The following KIRREL3 variants were observed in gnomAD, a reference collection of about 807,000 sequenced individuals.
KIRREL3 encodes kin of IRRE-like protein 3.
Under a neutral mutation model 89.7 loss-of-function variants are expected in KIRREL3, and 36 were observed. That is an observed-to-expected ratio of 0.40 (90% CI 0.31 to 0.53). The LOEUF is 0.53. KIRREL3 is among the 20% of genes least tolerant of loss of function. KIRREL3 has a pLI of 0.49. For synonymous variants in KIRREL3, 445 were observed against 441.4 expected (o/e 1.01, Z -0.10); for missense variants, 864 against 1,056.6 (o/e 0.82, Z 2.53).
At position 126,978,199 on chromosome 11, in the gene KIRREL3, A is replaced by G. The variant is rs1356316367; in HGVS notation, c.55+22256T>C. Reference sequence around the variant, plus strand: ...AGGTAATCAATTATGCGATTCTTTCAGGGTTGCTTCTGCCCTTCCTCTTCT... The same window carrying G: ...AGGTAATCAATTATGCGATTCTTTCGGGGTTGCTTCTGCCCTTCCTCTTCT... On this transcript the variant is annotated intron_variant, in intron 1 of 16. Coordinates refer to ENST00000525144, the MANE Select transcript of KIRREL3 (RefSeq NM_032531.4). This position sits in a 1 kb window ranked among gnomAD's most constrained non-coding sequence, Gnocchi z 4.2. 6.6e-6 allele frequency among the ~76,000 whole-genome samples: 1 copy of G among 152,192 alleles called. No homozygotes were observed. Among genetic ancestry groups the G allele is most frequent in the African/African-American group, 2.4e-5 (1 of 41,452 alleles).
chr11:126,740,284 G>A lies in KIRREL3; in HGVS notation c.56-177372C>T, dbSNP rs1411301419. 1.3e-5 allele frequency among the ~76,000 whole-genome samples: 2 copies of A among 152,170 alleles called. No individual in the cohort carries two copies. Among genetic ancestry groups the A allele is most frequent in the African/African-American group, 4.8e-5 (2 of 41,420 alleles). ...ATTAATGGAAGAAAATGCAGATGGG[G>A]CTGAATTGAAGCAACAGCATAGAAT... On this transcript the variant is annotated intron_variant, in intron 1 of 16. Transcript: ENST00000525144. This position sits in a 1 kb window ranked among gnomAD's most constrained non-coding sequence, Gnocchi z 6.0.
intron 1 of KIRREL3, among the ~76,000 whole-genome samples, chr11:126,699,394 A>C (rs1376663486): frequency 1.3e-5 from 2 of 152,262 alleles, no homozygotes; most frequent in Non-Finnish European, 2.9e-5. Context: ...GGCTGAATAC[A>C]ACACGTTTCC....
chr11:126,703,555 G>T lies in KIRREL3; in HGVS notation c.56-140643C>A, dbSNP rs1238938890. On this transcript the variant is annotated intron_variant, in intron 1 of 16. Coordinates refer to ENST00000525144, the MANE Select transcript of KIRREL3 (RefSeq NM_032531.4). This position sits in a 1 kb window ranked among gnomAD's most constrained non-coding sequence, Gnocchi z 4.6. Reference sequence around the variant, plus strand: ...CTGAGGCCAAAGGAATTAAGTGATCGGTCAGAGGTCAGTCAGATCGGGAGT... The same window carrying T: ...CTGAGGCCAAAGGAATTAAGTGATCTGTCAGAGGTCAGTCAGATCGGGAGT... 6.6e-6 allele frequency among the ~76,000 whole-genome samples: 1 copy of T among 152,210 alleles called. No homozygotes were observed. The highest frequency in any genetic ancestry group is 1.5e-5 in the Non-Finnish European group (1 of 68,036).
At chr11:126,855,097 T>A (rs1426956430) in intron 1 of KIRREL3, among the ~76,000 whole-genome samples, 1 of 152,184 alleles carries the variant, frequency 6.6e-6, no homozygotes, top group Non-Finnish European at 1.5e-5. Context: ...TTCATCATCA[T>A]CACGGTGTTA....
At chr11:126,758,717 T>C (rs968798390) in intron 1 of KIRREL3, among the ~76,000 whole-genome samples, 2 of 152,232 alleles carry the variant, frequency 1.3e-5, no homozygotes, top group African/African-American at 4.8e-5. Flanking sequence ...AAGGAAACAG[T>C]GTCAGTGCAT....
Position 126,904,937 on chromosome 11 carries a change from GGATGAT to G in KIRREL3, c.55+95512_55+95517del, listed in dbSNP as rs138130651. Among the ~76,000 whole-genome samples, 3 of 151,146 alleles carry G rather than the reference GGATGAT, an allele frequency of 2.0e-5. No homozygotes were observed. Among genetic ancestry groups the G allele is most frequent in the Admixed American group, 6.6e-5 (1 of 15,158 alleles). ...ATAAATAACTGACTATCCATGATGG[GGATGAT>G]GATGATGATGATGATGATGATACAG... is the stretch of plus-strand genomic sequence containing the variant. On this transcript the variant is annotated intron_variant, in intron 1 of 16. Coordinates refer to ENST00000525144, the MANE Select transcript of KIRREL3 (RefSeq NM_032531.4). The surrounding 1 kb of genome is among the most constrained non-coding windows in gnomAD (Gnocchi z 4.4).
At chr11:126,937,203 A>G (rs1948225451) in intron 1 of KIRREL3, 3 of 152,204 alleles carry the variant, frequency 2.0e-5, no homozygotes, top group Admixed American at 2.0e-4. Context: ...AGAGGATATG[A>G]CCCGTCAACT....
At chr11:126,963,657 C>A (rs1327420087) in intron 1 of KIRREL3, among the ~76,000 whole-genome samples, 1 of 152,150 alleles carries the variant, frequency 6.6e-6, no homozygotes, top group Non-Finnish European at 1.5e-5. Flanking sequence ...CACAACTGCC[C>A]TTCTTCCTTT....
In KIRREL3 at chr11:126,676,932, G is replaced by A. The variant is rs1946218978; in HGVS notation, c.56-114020C>T. Among the ~76,000 whole-genome samples, 1 of 151,912 alleles carries A rather than the reference G, an allele frequency of 6.6e-6. No individual in the cohort carries two copies. The highest frequency in any genetic ancestry group is 2.1e-4 in the South Asian group (1 of 4,796). The stretch of plus-strand genomic sequence containing the variant: ...CCCGAGTAGCTGGGACTACAGGCAT[G>A]CACCACCACACCACGCTAATTTTTA... On this transcript the variant is annotated intron_variant, in intron 1 of 16. Coordinates refer to ENST00000525144, the MANE Select transcript of KIRREL3 (RefSeq NM_032531.4). The surrounding 1 kb of genome is among the most constrained non-coding windows in gnomAD (Gnocchi z 4.5).
intron 1 of KIRREL3, among the ~76,000 whole-genome samples, chr11:126,648,971 T>C (rs2134963599): frequency 6.6e-6 from 1 of 152,300 alleles, no homozygotes; most frequent in East Asian, 1.9e-4. Context: ...ACAGGTTTAA[T>C]TGGACTTACA....
chr11:126,930,064 A>G (rs1332032212), intron 1 of KIRREL3, among the ~76,000 whole-genome samples: 5 of 266 alleles, frequency 0.019, no homozygotes, highest in Admixed American at 0.15. Flanking sequence ...TTTCAGCATA[A>G]TTATTTGTTG....
At position 126,618,386 on chromosome 11, in the gene KIRREL3, A is replaced by G. The variant is rs1225699675; in HGVS notation, c.56-55474T>C. 2.0e-5 allele frequency among the ~76,000 whole-genome samples: 3 copies of G among 152,218 alleles called. No homozygotes were observed. The East Asian group carries it at 5.8e-4, about 29-fold the overall frequency. The stretch of plus-strand genomic sequence containing the variant: ...GTACGGCCTATGGAACCAGGAGCCA[A>G]TTAAACTTCTTTTCTTTATAAATTA... On this transcript the variant is annotated intron_variant, in intron 1 of 16. Transcript: ENST00000525144.
rs61897862 is a variant in KIRREL3, at chr11:126,689,316, A to G, written c.56-126404T>C. Among the ~76,000 whole-genome samples, 6,672 of 152,254 alleles carry G rather than the reference A, an allele frequency of 0.044. 190 individuals are homozygous for G. The highest frequency in any genetic ancestry group is 0.06 in the Non-Finnish European group (4,077 of 68,014). The stretch of plus-strand genomic sequence containing the variant: ...TCCCATCTCGACTTGGAAGAATGAG[A>G]CACCTTGGAAGATGAGGCTGACCAG... On this transcript the variant is annotated intron_variant, in intron 1 of 16. Transcript: ENST00000525144. This position sits in a 1 kb window ranked among gnomAD's most constrained non-coding sequence, Gnocchi z 5.2.
rs550313755 is a variant in KIRREL3 at position 126,901,745 on chromosome 11, T to C, written c.55+98710A>G. The stretch of plus-strand genomic sequence containing the variant: ...CATTCATCTCCCCTACATGACTGTA[T>C]GTGTTTTAAGGGCAGAGTTTGAAAA... On this transcript the variant is annotated intron_variant, in intron 1 of 16. Transcript: ENST00000525144. Among the ~76,000 whole-genome samples the C allele has an allele frequency of 2.6e-5, 4 of 152,332 alleles. No homozygotes were observed. In the South Asian group the frequency reaches 6.2e-4, roughly 24 times the overall value.
In KIRREL3 at chr11:126,535,223, G is replaced by A. The variant is rs1937752956; in HGVS notation, c.134-8536C>T. ...CTGCTCTTCCCAAAAGCCCCCTCTA[G>A]ATTTCCCTCCTGCGCTTACTCCTGC... On this transcript the variant is annotated intron_variant, in intron 2 of 16. Transcript: ENST00000525144. This position sits in a 1 kb window ranked among gnomAD's most constrained non-coding sequence, Gnocchi z 4.5. Among the ~76,000 whole-genome samples, 1 of 152,126 alleles carries A rather than the reference G, an allele frequency of 6.6e-6. No individual in the cohort carries two copies. Among genetic ancestry groups the A allele is most frequent in the Admixed American group, 6.5e-5 (1 of 15,276 alleles).
rs1951491843 is a variant in KIRREL3 at position 126,814,402 on chromosome 11, C to G, written c.55+186053G>C. ...CAGTCAGAAACACCATTTGACCCAG[C>G]AATCCCATTACTGGATATATACCCA... On this transcript the variant is annotated intron_variant, in intron 1 of 16. Coordinates refer to ENST00000525144, the MANE Select transcript of KIRREL3 (RefSeq NM_032531.4). The surrounding 1 kb of genome is among the most constrained non-coding windows in gnomAD (Gnocchi z 4.4). Among the ~76,000 whole-genome samples, 1 of 152,160 alleles carries G rather than the reference C, an allele frequency of 6.6e-6. No individual in the cohort carries two copies. Among genetic ancestry groups the G allele is most frequent in the South Asian group, 2.1e-4 (1 of 4,824 alleles).
At chr11:126,825,252 C>A (rs1946065) in intron 1 of KIRREL3, among the ~76,000 whole-genome samples, 131,430 of 152,220 alleles carry the variant, frequency 0.86, 57,093 homozygotes, top group East Asian at 1. Context: ...GTGCACTTGA[C>A]CTAGGACAGG....
At chr11:126,738,220 A>G (rs1948868142) in intron 1 of KIRREL3, among the ~76,000 whole-genome samples, 1 of 152,216 alleles carries the variant, frequency 6.6e-6, no homozygotes, top group Non-Finnish European at 1.5e-5. Flanking sequence ...TAGGGGAATG[A>G]AATTAATTAA....
rs543887911 is a variant in KIRREL3 at position 126,608,680 on chromosome 11, G to T, written c.56-45768C>A. On this transcript the variant is annotated intron_variant, in intron 1 of 16. Transcript: ENST00000525144. The surrounding 1 kb of genome is among the most constrained non-coding windows in gnomAD (Gnocchi z 4.9). Reference sequence around the variant, plus strand: ...CCCTTCCCAGCCCTCCCTGGCTAAGGGATGGTGGTCCCAGAGGCACTGAGG... The same window carrying T: ...CCCTTCCCAGCCCTCCCTGGCTAAGTGATGGTGGTCCCAGAGGCACTGAGG... 2.0e-5 allele frequency among the ~76,000 whole-genome samples: 3 copies of T among 152,220 alleles called. No homozygotes were observed. Among genetic ancestry groups the T allele is most frequent in the African/African-American group, 7.2e-5 (3 of 41,468 alleles).
Sources: allele counts gnomAD v4.1 joint callset (sites outside exome capture counted in the v4.1 genomes callset), GRCh38; gene constraint gnomAD v4.1.1; non-coding constraint Gnocchi (gnomAD v3.1); transcripts MANE v1.5; gene names NCBI Gene and HGNC (gene_info 2026-07-23, HGNC 2026-07-21).